Variants in PPFIBP1 observed in about 807,000 individuals in gnomAD.
PPFIBP1 encodes liprin-beta-1.
PPFIBP1 carries 112 observed loss-of-function variants against 137.8 expected under a neutral mutation model. The observed-to-expected ratio is 0.81, with a 90% CI of 0.70 to 0.95. The LOEUF (loss-of-function observed/expected upper bound fraction) is 0.95, where lower values mean the gene tolerates loss of function less well. PPFIBP1 is among the 40% of genes least tolerant of loss of function. PPFIBP1 has a pLI of 0.00. For synonymous variants in PPFIBP1, 378 were observed against 417.3 expected (o/e 0.91, Z 1.15); for missense variants, 1,083 against 1,196.6 (o/e 0.91, Z 1.40).
chr12:27,600,436 CA>C (rs35671015), intron 2 of PPFIBP1, among the ~76,000 whole-genome samples: 17,604 of 105,546 alleles, frequency 0.17, 1,010 homozygotes, highest in Middle Eastern at 0.24. Context: ...AACTCCGTCT[CA>C]AAAAAAAAAA....
At chr12:27,679,369 T>A (rs994426000) in intron 19 of PPFIBP1, 120 bp from the exon 20 acceptor site, 23 of 975,542 alleles carry the variant, frequency 2.4e-5, no homozygotes, top group African/African-American at 1.6e-4. Context: ...AAGGTGCTCT[T>A]TGTAAGTCAC....
chr12:27,672,684 A>G (rs774519672), intron 15 of PPFIBP1, among the ~76,000 whole-genome samples: 45 of 152,190 alleles, frequency 3.0e-4, no homozygotes, highest in Non-Finnish European at 3.5e-4. Flanking sequence ...ATTTGCTATT[A>G]TCTCATGCCA....
intron 2 of PPFIBP1, among the ~76,000 whole-genome samples, chr12:27,578,650 G>A (rs1022549021): frequency 1.3e-5 from 2 of 152,162 alleles, no homozygotes; most frequent in African/African-American, 4.8e-5. Context: ...CTTAGAATAT[G>A]AGGTATTGGT....
At chr12:27,537,791 C>T (rs1945212433) in intron 1 of PPFIBP1, among the ~76,000 whole-genome samples, 1 of 151,674 alleles carries the variant, frequency 6.6e-6, no homozygotes, top group African/African-American at 2.4e-5. Context: ...ATGCCCAGTC[C>T]ATCTTGTTCT....
chr12:27,679,601 C>T lies in PPFIBP1; in HGVS notation c.1728C>T (p.Ser576=), dbSNP rs2060761640. The T allele has an allele frequency of 6.2e-7, 1 of 1,613,506 alleles. No homozygotes were observed. Among genetic ancestry groups the T allele is most frequent in the African/African-American group, 1.3e-5 (1 of 74,850 alleles). The change falls in exon 20 of 30, where the codon TCC becomes TCT. Residue 576 remains serine, a synonymous_variant. Transcript: ENST00000228425. ...AGATACCGCCTCCATCTCCAGATTCCAAAAAGAAATCCAGAGGTATCATGA... is the reference window on the plus strand; with the variant it reads ...AGATACCGCCTCCATCTCCAGATTCTAAAAAGAAATCCAGAGGTATCATGA... The part of the protein sequence containing the change: ...PFQIPPPSPD[S]KKKSRGIMKL...
At chr12:27,645,634 A>T (rs932891355) in intron 4 of PPFIBP1, among the ~76,000 whole-genome samples, 21 of 152,330 alleles carry the variant, frequency 1.4e-4, no homozygotes, top group African/African-American at 4.6e-4. Flanking sequence ...TAAAATGGAG[A>T]TAAGTGAGGC....
rs2059585856 is a variant in PPFIBP1, at chr12:27,662,050, TTATGAGATGCTCA to T, written c.906+1106_906+1118del. ...AAAATTCCCAGTGTTGAATGAGGGCTTATGAGATGCTCAAACTGTTAGAGGGGCACCCAGCATA... is the reference window on the plus strand; with the variant it reads ...AAAATTCCCAGTGTTGAATGAGGGCTAACTGTTAGAGGGGCACCCAGCATA... On this transcript the variant is annotated intron_variant, in intron 11 of 29. Transcript: ENST00000228425. Among the ~76,000 whole-genome samples the T allele has an allele frequency of 3.9e-5, 6 of 151,946 alleles. No homozygotes were observed. The South Asian group carries it at 1.2e-3, about 31-fold the overall frequency.
intron 2 of PPFIBP1, among the ~76,000 whole-genome samples, chr12:27,605,288 G>A (rs1003804140): frequency 1.3e-5 from 2 of 152,072 alleles, no homozygotes; most frequent in African/African-American, 4.8e-5. Context: ...AAGACAAAAG[G>A]GGGCAATATT....
chr12:27,648,023 T>C (rs1257240434), intron 6 of PPFIBP1, 181 bp downstream of exon 6: 5 of 687,382 alleles, frequency 7.3e-6, no homozygotes, highest in Non-Finnish European at 8.2e-6. Context: ...ATATAAAGTG[T>C]TTATGTAATT....
intron 2 of PPFIBP1, among the ~76,000 whole-genome samples, chr12:27,629,158 A>G (rs972406132): frequency 1.3e-5 from 2 of 152,204 alleles, no homozygotes; most frequent in African/African-American, 4.8e-5. Flanking sequence ...TTATTAATTC[A>G]TCTGTTTCAA....
intron 1 of PPFIBP1, among the ~76,000 whole-genome samples, chr12:27,563,291 A>T (rs1001835078): frequency 4.9e-5 from 7 of 143,418 alleles, no homozygotes; most frequent in Admixed American, 2.8e-4. Context: ...AAAAAAAAAA[A>T]AAAAAAAAAA....
In PPFIBP1 at chr12:27,688,377, A is replaced by T; in HGVS notation, c.2450A>T (p.Glu817Val). Residue 817 changes from glutamate (E) to valine (V), a missense_variant, in exon 26 of 30, where the codon GAA becomes GTA. Coordinates refer to ENST00000228425, the MANE Select transcript of PPFIBP1 (RefSeq NM_003622.4). Reference protein sequence around the residue: ...MEWLRSVDLAEYAPNLRGSGV... With the variant: ...MEWLRSVDLAVYAPNLRGSGV... ...TGGCTGCGCTCCGTGGACTTGGCAG[A>T]ATATGCGCCCAATCTCAGAGGCAGT... The T allele has an allele frequency of 6.2e-7, 1 of 1,614,184 alleles. No homozygotes were observed. The highest frequency in any genetic ancestry group is 8.5e-7 in the Non-Finnish European group (1 of 1,180,010).
At position 27,664,388 on chromosome 12, in the gene PPFIBP1, G is replaced by T; in HGVS notation, c.933G>T (p.Gln311His). The change falls in exon 12 of 30, where the codon CAG (glutamine) becomes CAT (histidine). Residue 311 changes from glutamine to histidine, a missense_variant. Physicochemically the swap from Gln to His is conservative, Grantham distance 24 (BLOSUM62 0). Coordinates refer to ENST00000228425, the MANE Select transcript of PPFIBP1 (RefSeq NM_003622.4). ...EKDRKIEDLR[Q>H]CLNRYKKMQD... is the part of the protein sequence containing the mutation. ...ATCGGAAAATAGAAGATCTTCGACA[G>T]TGCCTGAACAGGTACAAGAAAATGC... 3 of 1,612,340 alleles carry T rather than the reference G, an allele frequency of 1.9e-6. No individual in the cohort carries two copies. The highest frequency in any genetic ancestry group is 2.5e-6 in the Non-Finnish European group (3 of 1,178,682).
In PPFIBP1 at chr12:27,671,480, C is replaced by T; in HGVS notation, c.1196C>T (p.Thr399Ile). 1 of 1,603,202 alleles carries T rather than the reference C, an allele frequency of 6.2e-7. No individual in the cohort carries two copies. Among genetic ancestry groups the T allele is most frequent in the Non-Finnish European group, 8.5e-7 (1 of 1,175,982 alleles). The change falls in exon 14 of 30, where the codon ACT becomes ATT. Residue 399 changes from threonine (T) to isoleucine (I), a missense_variant. Thr to Ile is a moderately conservative substitution (Grantham distance 89). Coordinates refer to ENST00000228425, the MANE Select transcript of PPFIBP1 (RefSeq NM_003622.4). ...TCCATCCCTTCATTATTGCCAGCAA[C>T]TGTAAGCATGGAAACTTCTGAAAAA... ...QVSIPSLLPA[T>I]VSMETSEKSK...
chr12:27,577,682 A>G, intron 1 of PPFIBP1, among the ~76,000 whole-genome samples: 1 of 152,330 alleles, frequency 6.6e-6, no homozygotes, highest in Middle Eastern at 3.4e-3. Flanking sequence ...AAAATAGTGT[A>G]TGTATTTCTA....
intron 1 of PPFIBP1, among the ~76,000 whole-genome samples, chr12:27,557,238 A>ATT (rs4035629): frequency 0.048 from 6,798 of 142,020 alleles, 197 homozygotes; most frequent in African/African-American, 0.055. Flanking sequence ...CATGGTAACA[A>ATT]TTTTTTTTTT....
chr12:27,652,233 A>G (rs2058917750), intron 7 of PPFIBP1, among the ~76,000 whole-genome samples: 1 of 152,186 alleles, frequency 6.6e-6, no homozygotes, highest in Non-Finnish European at 1.5e-5. Context: ...AAATATTGGC[A>G]TGGGGAAGAA....
intron 2 of PPFIBP1, among the ~76,000 whole-genome samples, chr12:27,604,626 C>A (rs1346565047): frequency 6.6e-6 from 1 of 152,208 alleles, no homozygotes; most frequent in African/African-American, 2.4e-5. Flanking sequence ...TGGGAGGCTC[C>A]CTGCCTCTCG....
intron 1 of PPFIBP1, among the ~76,000 whole-genome samples, chr12:27,558,694 G>T (rs1257723880): frequency 6.6e-6 from 1 of 151,992 alleles, no homozygotes; most frequent in Non-Finnish European, 1.5e-5. Context: ...CAAAGTGGAA[G>T]CATAAAGAAT....
Sources: allele counts gnomAD v4.1 joint callset (sites outside exome capture counted in the v4.1 genomes callset), GRCh38; gene constraint gnomAD v4.1.1; transcripts MANE v1.5; gene names NCBI Gene and HGNC (gene_info 2026-07-23, HGNC 2026-07-21).